Variants in ANKRD11 observed in about 807,000 individuals in gnomAD.
ANKRD11 encodes the protein ankyrin repeat domain-containing protein 11.
Under a neutral mutation model 195.7 loss-of-function variants are expected in ANKRD11, and 17 were observed. The observed-to-expected ratio is 0.09, with a 90% CI of 0.06 to 0.13. The LOEUF (loss-of-function observed/expected upper bound fraction) is 0.13. ANKRD11 is among the 10% of genes least tolerant of loss of function. The probability of loss-of-function intolerance (pLI) is 1.00; values close to 1 mark genes in which losing one functional copy is unlikely to be tolerated. For synonymous variants in ANKRD11, 1,953 were observed against 1,528.1 expected, an observed-to-expected ratio of 1.28 and a Z score of -6.49; for missense variants, 3,735 against 3,566.1, an observed-to-expected ratio of 1.05 and a Z score of -1.21.
chr16:89,453,224 C>T (rs1027235809), intron 1 of ANKRD11, among the ~76,000 whole-genome samples: 3 of 152,134 alleles, frequency 2.0e-5, no homozygotes, highest in East Asian at 3.8e-4. Context: ...TTCTTAGATA[C>T]TCACTACTTC....
At chr16:89,290,094 G>A (rs2151791389) in intron 6 of ANKRD11, among the ~76,000 whole-genome samples, 1 of 152,358 alleles carries the variant, frequency 6.6e-6, no homozygotes, top group Middle Eastern at 3.4e-3. Flanking sequence ...AAGAAACACT[G>A]ATTTCTTCTC....
chr16:89,268,413 G>C lies in ANKRD11; in HGVS notation c.*65C>G. The C allele has an allele frequency of 4.1e-6, 3 of 733,904 alleles. No homozygotes were observed. The highest frequency in any genetic ancestry group is 6.6e-6 in the Non-Finnish European group (3 of 456,394). 45.5% of individuals were successfully genotyped at this position (733,904 alleles called of 1,614,324 possible). On this transcript the variant is annotated 3_prime_UTR_variant, in exon 13 of 13. Coordinates refer to ENST00000301030, the MANE Select transcript of ANKRD11 (RefSeq NM_013275.6). ...CAGGGCGCTCCCTCCTCCGCCCCTG[G>C]GGCTCAGCAGCAGTCCTGGGCAGCC... is the stretch of plus-strand genomic sequence containing the variant.
chr16:89,342,339 C>T (rs915116244), intron 2 of ANKRD11, among the ~76,000 whole-genome samples: 1 of 152,242 alleles, frequency 6.6e-6, no homozygotes, highest in African/African-American at 2.4e-5. Flanking sequence ...AGGATGCAGC[C>T]CATTTCACCT....
chr16:89,377,454 G>T (rs1431721616), intron 2 of ANKRD11, among the ~76,000 whole-genome samples: 2 of 151,882 alleles, frequency 1.3e-5, no homozygotes, highest in Non-Finnish European at 2.9e-5. Context: ...AGATCATGAA[G>T]AGACTGCGGA....
At chr16:89,455,424 T>C (rs2056390903) in intron 1 of ANKRD11, among the ~76,000 whole-genome samples, 1 of 151,966 alleles carries the variant, frequency 6.6e-6, no homozygotes, top group African/African-American at 2.4e-5. Context: ...AGCTACTCAG[T>C]AAGAAAAACC....
At chr16:89,407,194 A>T (rs997133501) in intron 2 of ANKRD11, among the ~76,000 whole-genome samples, 1 of 149,288 alleles carries the variant, frequency 6.7e-6, no homozygotes, top group Non-Finnish European at 1.5e-5. Flanking sequence ...TCAAAAAGAT[A>T]AAAAAAAAAG....
At chr16:89,485,197 T>C (rs1487153317) in intron 1 of ANKRD11, among the ~76,000 whole-genome samples, 4 of 151,940 alleles carry the variant, frequency 2.6e-5, no homozygotes, top group African/African-American at 7.3e-5. Flanking sequence ...CACTGTGGGG[T>C]TTCTGGCTAG....
intron 7 of ANKRD11, chr16:89,286,603 G>C: frequency 1.8e-6 from 2 of 1,142,298 alleles, no homozygotes; most frequent in Non-Finnish European, 2.2e-6. Context: ...CAAGAGGTTA[G>C]GGAGAAGAGT....
chr16:89,307,195 G>A (rs2036335855), intron 3 of ANKRD11, among the ~76,000 whole-genome samples: 1 of 152,206 alleles, frequency 6.6e-6, no homozygotes, highest in Admixed American at 6.5e-5. Context: ...AGTGGTCAGC[G>A]AAGCCTTCAG....
At chr16:89,455,434 C>CTT (rs1031223119) in intron 1 of ANKRD11, among the ~76,000 whole-genome samples, 1 of 152,080 alleles carries the variant, frequency 6.6e-6, no homozygotes, top group Non-Finnish European at 1.5e-5. Flanking sequence ...TAAGAAAAAC[C>CTT]ACACAGGAGC....
chr16:89,387,243 G>A (rs927891052), intron 2 of ANKRD11, among the ~76,000 whole-genome samples: 4 of 150,278 alleles, frequency 2.7e-5, no homozygotes, highest in African/African-American at 4.9e-5. Flanking sequence ...AAAAAAAAAA[G>A]CATCTCTCAA....
At chr16:89,444,963 C>T (rs1323239663) in intron 1 of ANKRD11, among the ~76,000 whole-genome samples, 1 of 152,140 alleles carries the variant, frequency 6.6e-6, no homozygotes, top group Non-Finnish European at 1.5e-5. Context: ...AGGCAGGCTC[C>T]CACCCAGACA....
At chr16:89,339,657 T>A (rs1191529547) in intron 2 of ANKRD11, among the ~76,000 whole-genome samples, 3 of 152,222 alleles carry the variant, frequency 2.0e-5, no homozygotes, top group African/African-American at 7.2e-5. Flanking sequence ...TCCTTTAAAA[T>A]TTTTCAAGCA....
chr16:89,384,879 CTTTTTTTTTTTTTTTTTT>C (rs869271846), intron 2 of ANKRD11, among the ~76,000 whole-genome samples: 1 of 49,910 alleles, frequency 2.0e-5, no homozygotes, highest in Admixed American at 3.6e-4. Context: ...AAATAGTTTT[CTTTTTTTTTTTTTTTTTT>C]TTTTTTTTTT....
chr16:89,277,484 C>T (rs772979778), intron 9 of ANKRD11: 6 of 152,310 alleles, frequency 3.9e-5, no homozygotes, highest in African/African-American at 4.8e-5. Flanking sequence ...TTTTCTACAG[C>T]AGTCAGACTA....
Position 89,330,657 on chromosome 16 carries a change from TGGGGGGGGGGGG to T in ANKRD11, c.-59-13591_-59-13580del, listed in dbSNP as rs71134204. On this transcript the variant is annotated intron_variant, in intron 2 of 12. Coordinates refer to ENST00000301030, the MANE Select transcript of ANKRD11 (RefSeq NM_013275.6). Reference sequence around the variant, plus strand: ...CAGTAGGTTTCCCCAGTACAGTGACTGGGGGGGGGGGGGGGGGGCGGGGGCGGAGGAAGCTGC... The same window carrying T: ...CAGTAGGTTTCCCCAGTACAGTGACTGGGGGGCGGGGGCGGAGGAAGCTGC... 1.2e-3 allele frequency among the ~76,000 whole-genome samples: 6 copies of T among 5,076 alleles called. 1 individual carries two copies. Among genetic ancestry groups the T allele is most frequent in the African/African-American group, 3.0e-3 (5 of 1,680 alleles). The allele number at this position is 5,076 out of a possible 152,430, so 3.3% of individuals were successfully genotyped here.
At chr16:89,292,778 C>G (rs1054081850) in intron 4 of ANKRD11, among the ~76,000 whole-genome samples, 6 of 152,256 alleles carry the variant, frequency 3.9e-5, no homozygotes, top group Non-Finnish European at 7.3e-5. Flanking sequence ...GGCCAATGAG[C>G]CCCAGCCTAC....
chr16:89,404,876 ACT>A (rs1219712756), intron 2 of ANKRD11, among the ~76,000 whole-genome samples: 6 of 152,108 alleles, frequency 3.9e-5, no homozygotes, highest in African/African-American at 1.4e-4. Context: ...CACACTATTG[ACT>A]CTTGCTTGGT....
intron 2 of ANKRD11, among the ~76,000 whole-genome samples, chr16:89,328,467 A>T (rs1282619730): frequency 6.6e-6 from 1 of 152,262 alleles, no homozygotes; most frequent in Non-Finnish European, 1.5e-5. Context: ...GGTGTCCTCG[A>T]AACTGGGTTT....
Sources: allele counts gnomAD v4.1 joint callset (sites outside exome capture counted in the v4.1 genomes callset), GRCh38; gene constraint gnomAD v4.1.1; transcripts MANE v1.5; gene names NCBI Gene and HGNC (gene_info 2026-07-23, HGNC 2026-07-21).